TMEM132D: variants seen among roughly 807,000 people sequenced by gnomAD.
TMEM132D encodes the protein transmembrane protein 132D, also known as mature OL transmembrane protein.
In TMEM132D, 21 loss-of-function variants were observed where a neutral mutation model predicts 62.3. The observed-to-expected ratio is 0.34, with a 90% CI of 0.24 to 0.49. TMEM132D has a LOEUF of 0.49. TMEM132D is among the 20% of genes least tolerant of loss of function. The pLI, the probability that TMEM132D is intolerant of heterozygous loss-of-function variation, is 0.99. For synonymous variants in TMEM132D, 621 were observed against 575.6 expected (o/e 1.08, Z -1.13); for missense variants, 1,346 against 1,402.8 (o/e 0.96, Z 0.65).
intron 3 of TMEM132D, among the ~76,000 whole-genome samples, chr12:129,436,119 G>A (rs1369127179): frequency 5.9e-5 from 9 of 152,088 alleles, no homozygotes; most frequent in Non-Finnish European, 8.8e-5. Flanking sequence ...TATCTTGAGG[G>A]CACGTGGATG....
chr12:129,868,425 A>G (rs1323106444), intron 1 of TMEM132D, among the ~76,000 whole-genome samples: 4 of 152,334 alleles, frequency 2.6e-5, no homozygotes, highest in Non-Finnish European at 5.9e-5. Flanking sequence ...AACTTGTAGT[A>G]AATAACGTAT....
intron 2 of TMEM132D, among the ~76,000 whole-genome samples, chr12:129,671,164 G>A (rs1880490932): frequency 6.6e-6 from 1 of 152,064 alleles, no homozygotes; most frequent in Non-Finnish European, 1.5e-5. Context: ...CAAGGAAAAT[G>A]GAAAAGTAAA....
intron 2 of TMEM132D, among the ~76,000 whole-genome samples, chr12:129,604,427 A>G (rs1326524496): frequency 1.3e-5 from 2 of 152,182 alleles, no homozygotes; most frequent in Non-Finnish European, 2.9e-5. Flanking sequence ...AAGTTTGGGC[A>G]TTTATGAATA....
At chr12:129,151,217 G>A (rs77783159) in intron 5 of TMEM132D, among the ~76,000 whole-genome samples, 10,117 of 152,262 alleles carry the variant, frequency 0.066, 571 homozygotes, top group East Asian at 0.31. Flanking sequence ...CTGCCACAGC[G>A]ATCCAGAGGT....
chr12:129,654,551 C>T (rs78627724), intron 2 of TMEM132D, among the ~76,000 whole-genome samples: 2 of 152,126 alleles, frequency 1.3e-5, no homozygotes, highest in African/African-American at 2.4e-5. Flanking sequence ...CTGAAAAATG[C>T]ATAATCAATA....
intron 1 of TMEM132D, among the ~76,000 whole-genome samples, chr12:129,741,140 T>C (rs1288880617): frequency 2.0e-5 from 3 of 152,220 alleles, no homozygotes; most frequent in Admixed American, 1.3e-4. Context: ...TGTTACTTCA[T>C]AGCCCATGAA....
chr12:129,144,877 C>T (rs1876846138), intron 5 of TMEM132D, among the ~76,000 whole-genome samples: 1 of 149,714 alleles, frequency 6.7e-6, no homozygotes, highest in Non-Finnish European at 1.5e-5. Context: ...CATCTATCTA[C>T]CATTCACCTA....
intron 3 of TMEM132D, among the ~76,000 whole-genome samples, chr12:129,451,770 C>T (rs1374842390): frequency 6.6e-6 from 1 of 152,166 alleles, no homozygotes; most frequent in Non-Finnish European, 1.5e-5. Flanking sequence ...GAGGAAAGGG[C>T]AAAGGCAGAA....
intron 3 of TMEM132D, among the ~76,000 whole-genome samples, chr12:129,362,931 T>G (rs1484774799): frequency 1.3e-5 from 2 of 152,246 alleles, no homozygotes; most frequent in Non-Finnish European, 2.9e-5. Flanking sequence ...CTTCTAACTT[T>G]AATTGACAAT....
Position 129,605,604 on chromosome 12 carries a change from T to TATATATATATATATATATATATATATAC in TMEM132D, c.969-74400_969-74399insGTATATATATATATATATATATATATAT, listed in dbSNP as rs150550863. ...ATTAGGCATTATATATATATATATA[T>TATATATATATATATATATATATATATAC]ACACACACATATATATATACACACA... On this transcript the variant is annotated intron_variant, in intron 2 of 8. Coordinates refer to ENST00000422113, the MANE Select transcript of TMEM132D (RefSeq NM_133448.3). Among the ~76,000 whole-genome samples, 44 of 106,242 alleles carry TATATATATATATATATATATATATATAC rather than the reference T, an allele frequency of 4.1e-4. 1 individual carries two copies. Among genetic ancestry groups the TATATATATATATATATATATATATATAC allele is most frequent in the Middle Eastern group, 5.0e-3 (1 of 202 alleles). The allele number at this position is 106,242 out of a possible 152,430, so 69.7% of individuals were successfully genotyped here.
intron 3 of TMEM132D, among the ~76,000 whole-genome samples, chr12:129,406,847 C>T (rs1217133543): frequency 6.6e-6 from 1 of 152,186 alleles, no homozygotes; most frequent in Non-Finnish European, 1.5e-5. Flanking sequence ...GTACGCCCAG[C>T]AGAAGTATCC....
At chr12:129,819,228 C>CCG (rs1344569494) in intron 1 of TMEM132D, among the ~76,000 whole-genome samples, 4 of 151,622 alleles carry the variant, frequency 2.6e-5, no homozygotes, top group Admixed American at 1.3e-4. Context: ...CTTCTACCTA[C>CCG]CCCACAGTGC....
intron 3 of TMEM132D, among the ~76,000 whole-genome samples, chr12:129,494,480 C>T (rs1566087707): frequency 6.6e-6 from 1 of 152,146 alleles, no homozygotes; most frequent in Non-Finnish European, 1.5e-5. Flanking sequence ...ATTTTCTTAA[C>T]ATTACAAGCA....
At chr12:129,287,901 C>T (rs1378884472) in intron 4 of TMEM132D, among the ~76,000 whole-genome samples, 3 of 152,186 alleles carry the variant, frequency 2.0e-5, no homozygotes, top group Middle Eastern at 3.2e-3. Context: ...ATGCATTGGT[C>T]TATGTATCTG....
intron 2 of TMEM132D, among the ~76,000 whole-genome samples, chr12:129,654,278 T>C (rs1164133127): frequency 8.7e-6 from 1 of 114,760 alleles, no homozygotes; most frequent in African/African-American, 3.2e-5. Context: ...TCTCACTCTC[T>C]CGTGTGTGTG....
At chr12:129,741,236 C>T (rs1025544210) in intron 1 of TMEM132D, among the ~76,000 whole-genome samples, 3 of 152,162 alleles carry the variant, frequency 2.0e-5, no homozygotes, top group African/African-American at 7.2e-5. Flanking sequence ...GCCTTTGGCA[C>T]CTTCAGCCTC....
chr12:129,104,073 T>C (rs1050311631), intron 5 of TMEM132D, among the ~76,000 whole-genome samples: 20 of 150,634 alleles, frequency 1.3e-4, no homozygotes, highest in Non-Finnish European at 2.7e-4. Flanking sequence ...AAAAAGAGCC[T>C]GCATCGCCAA....
intron 5 of TMEM132D, among the ~76,000 whole-genome samples, chr12:129,124,057 C>G (rs925940442): frequency 6.6e-6 from 1 of 152,112 alleles, no homozygotes; most frequent in Non-Finnish European, 1.5e-5. Flanking sequence ...TATGTGCAGC[C>G]GACTGGTTCT....
At chr12:129,810,264 AT>A (rs1325385644) in intron 1 of TMEM132D, among the ~76,000 whole-genome samples, 1 of 152,236 alleles carries the variant, frequency 6.6e-6, no homozygotes, top group African/African-American at 2.4e-5. Flanking sequence ...GATTAAAAAA[AT>A]CATTATTTTC....
Sources: gnomAD v4.1 joint callset for allele counts (sites outside exome capture counted in the v4.1 genomes callset) on GRCh38, gnomAD v4.1.1 for gene constraint, MANE v1.5 for transcripts, NCBI Gene and HGNC (gene_info 2026-07-23, HGNC 2026-07-21) for gene names.